The following PAX5 variants were observed in gnomAD, a reference collection of about 807,000 sequenced individuals.
PAX5 encodes the protein paired box 5, also known as paired box protein Pax-5.
A neutral mutation model predicts 43.7 loss-of-function variants in PAX5; 9 were observed. The observed-to-expected ratio is 0.21, with a 90% CI of 0.12 to 0.36. The LOEUF is 0.36. PAX5 is among the 10% of genes least tolerant of loss of function. The probability of loss-of-function intolerance (pLI) is 1.00; values close to 1 mark genes in which losing one functional copy is unlikely to be tolerated. For synonymous variants in PAX5, 228 were observed against 214.3 expected (o/e 1.06, Z -0.56); for missense variants, 383 against 532.7 (o/e 0.72, Z 2.77).
intron 7 of PAX5, among the ~76,000 whole-genome samples, chr9:36,890,053 G>T (rs1827247361): frequency 6.6e-6 from 1 of 151,998 alleles, no homozygotes; most frequent in Non-Finnish European, 1.5e-5. Context: ...ACCACTGGGG[G>T]TTGTCACTCC....
At position 36,881,986 on chromosome 9, in the gene PAX5, C is replaced by A. The variant is rs375051266; in HGVS notation, c.1012+18G>T. On this transcript the variant is annotated intron_variant, in intron 8 of 9. Transcript: ENST00000358127. ...CCGTCCGCTGCCTGCTGTGGAGACG[C>A]CGACAGTGCAAACTCACCAGGCACC... 1.3e-6 allele frequency: 2 copies of A among 1,591,964 alleles called. No individual in the cohort carries two copies. The highest frequency in any genetic ancestry group is 1.7e-4 in the Middle Eastern group (1 of 6,004).
chr9:36,984,001 C>T (rs998247757), intron 5 of PAX5, among the ~76,000 whole-genome samples: 1 of 152,186 alleles, frequency 6.6e-6, no homozygotes, highest in African/African-American at 2.4e-5. Context: ...AAAGCTTGTT[C>T]CTAACAGACA....
At chr9:37,020,277 T>C (rs1839742598) in intron 2 of PAX5, among the ~76,000 whole-genome samples, 1 of 152,094 alleles carries the variant, frequency 6.6e-6, no homozygotes, top group Admixed American at 6.5e-5. Context: ...AACATTAAAA[T>C]GAAACATTGA....
At chr9:36,988,518 C>T (rs1205774961) in intron 5 of PAX5, among the ~76,000 whole-genome samples, 1 of 151,788 alleles carries the variant, frequency 6.6e-6, no homozygotes, top group Non-Finnish European at 1.5e-5. Flanking sequence ...TAAAAAATAG[C>T]CGGGTGTGGT....
At chr9:36,927,291 G>A (rs1006824352) in intron 6 of PAX5, among the ~76,000 whole-genome samples, 2 of 152,162 alleles carry the variant, frequency 1.3e-5, no homozygotes, top group African/African-American at 4.8e-5. Context: ...GACATGGGCT[G>A]GGCTGCTGGG....
intron 5 of PAX5, among the ~76,000 whole-genome samples, chr9:36,993,741 C>T (rs1837123815): frequency 6.8e-6 from 1 of 147,616 alleles, no homozygotes; most frequent in Admixed American, 6.7e-5. Context: ...CCTCAAGTTC[C>T]AGACCGCCTT....
At chr9:36,938,553 C>T (rs1206838515) in intron 6 of PAX5, among the ~76,000 whole-genome samples, 1 of 152,194 alleles carries the variant, frequency 6.6e-6, no homozygotes, top group African/African-American at 2.4e-5. Flanking sequence ...CACATCTCCC[C>T]ATCCAACCGT....
intron 5 of PAX5, among the ~76,000 whole-genome samples, chr9:36,994,805 T>C (rs1837248718): frequency 6.6e-6 from 1 of 152,116 alleles, no homozygotes; most frequent in South Asian, 2.1e-4. Flanking sequence ...CATCCATCCA[T>C]ACATGAAATT....
intron 2 of PAX5, among the ~76,000 whole-genome samples, chr9:37,016,229 G>T (rs2132477849): frequency 6.6e-6 from 1 of 152,260 alleles, no homozygotes; most frequent in Middle Eastern, 3.4e-3. Context: ...GCTCTCCCAA[G>T]CCCTAGCACA....
At chr9:36,922,276 C>T (rs781148380) in intron 7 of PAX5, among the ~76,000 whole-genome samples, 5 of 152,214 alleles carry the variant, frequency 3.3e-5, no homozygotes, top group Non-Finnish European at 7.3e-5. Flanking sequence ...TGCATGTCTA[C>T]GAGTCCCGTG....
At position 36,990,763 on chromosome 9, in the gene PAX5, C is replaced by T. The variant is rs75700129; in HGVS notation, c.604+11885G>A. Among the ~76,000 whole-genome samples the T allele has an allele frequency of 3.3e-5, 5 of 152,372 alleles. No homozygotes were observed. The East Asian group carries it at 9.6e-4, about 29-fold the overall frequency. On this transcript the variant is annotated intron_variant, in intron 5 of 9. Transcript: ENST00000358127. Reference sequence around the variant, plus strand: ...CTTTTTCCGTGGTGACATGTAGAGGCACAAACTTTCTAAGCAGTGAAGATG... The same window carrying T: ...CTTTTTCCGTGGTGACATGTAGAGGTACAAACTTTCTAAGCAGTGAAGATG...
At chr9:37,002,797 G>T in intron 4 of PAX5, 21 bp from the exon 5 acceptor site, 1 of 1,600,248 alleles carries the variant, frequency 6.2e-7, no homozygotes, top group South Asian at 1.1e-5. Context: ...AAAGACGGGC[G>T]GTCAGGGCCG....
intron 7 of PAX5, among the ~76,000 whole-genome samples, chr9:36,915,460 T>G (rs910239379): frequency 6.6e-6 from 1 of 152,244 alleles, no homozygotes; most frequent in Non-Finnish European, 1.5e-5. Context: ...GAACACGTTT[T>G]CATATACTGC....
intron 7 of PAX5, chr9:36,923,124 A>C: frequency 6.3e-6 from 3 of 476,288 alleles, no homozygotes; most frequent in Non-Finnish European, 1.1e-5. Flanking sequence ...CCTCCAGCCC[A>C]CAGTCCATTT....
chr9:36,838,369 C>G lies in PAX5; in HGVS notation c.*2191G>C, dbSNP rs1229477116. The G allele has an allele frequency of 4.3e-6, 1 of 232,692 alleles. No homozygotes were observed. Among genetic ancestry groups the G allele is most frequent in the African/African-American group, 2.2e-5 (1 of 45,318 alleles). 14.4% of individuals were successfully genotyped at this position (232,692 alleles called of 1,614,324 possible). A position where few individuals can be genotyped will look rare whatever the true frequency, so the allele number is the denominator to read the frequency against. On this transcript the variant is annotated 3_prime_UTR_variant, in exon 10 of 10. Transcript: ENST00000358127. ...AGGAGATGTGGATAGACCAGGGTGA[C>G]AGGGAACACCATGGGTTGGGGGTCA...
intron 8 of PAX5, among the ~76,000 whole-genome samples, chr9:36,851,459 G>A (rs977173952): frequency 6.6e-6 from 1 of 152,164 alleles, no homozygotes; most frequent in African/African-American, 2.4e-5. Flanking sequence ...GGAAATCAGA[G>A]GAAGGAGCCA....
intron 8 of PAX5, among the ~76,000 whole-genome samples, chr9:36,864,689 G>C (rs917060641): frequency 7.2e-5 from 11 of 152,238 alleles, no homozygotes; most frequent in Admixed American, 5.2e-4. Context: ...GGCCTGGCCA[G>C]CATGGTGGCA....
intron 8 of PAX5, among the ~76,000 whole-genome samples, chr9:36,868,444 T>G (rs1587817927): frequency 6.6e-6 from 1 of 151,526 alleles, no homozygotes; most frequent in Non-Finnish European, 1.5e-5. Flanking sequence ...GCCCGGGGGG[T>G]GCACACAGTG....
chr9:36,843,231 C>T (rs1358495411), intron 9 of PAX5, among the ~76,000 whole-genome samples: 2 of 152,216 alleles, frequency 1.3e-5, no homozygotes, highest in East Asian at 3.8e-4. Context: ...TTTCCATGCC[C>T]TGGCGCCCTC....
Sources: allele counts gnomAD v4.1 joint callset (sites outside exome capture counted in the v4.1 genomes callset), GRCh38; gene constraint gnomAD v4.1.1; transcripts MANE v1.5; gene names NCBI Gene and HGNC (gene_info 2026-07-23, HGNC 2026-07-21).